The following CNPY4 variants were observed in gnomAD, a reference collection of about 807,000 sequenced individuals.
CNPY4 encodes the protein protein canopy homolog 4.
A neutral mutation model predicts 30.1 loss-of-function variants in CNPY4; 33 were observed. That is an observed-to-expected ratio of 1.10 (90% CI 0.83 to 1.46). The LOEUF is 1.46. Ranked by LOEUF, CNPY4 falls within the 40% of genes most tolerant of loss-of-function variation. The pLI is 0.00. For missense variants in CNPY4, 324 were observed against 302.6 expected (o/e 1.07, Z -0.52); for synonymous variants, 109 against 110.1 (o/e 0.99, Z 0.06).
rs1315398459 is a variant in CNPY4 at position 100,122,167 on chromosome 7, C to T, written c.119-92C>T. On this transcript the variant is annotated intron_variant, in intron 1 of 5. Coordinates refer to ENST00000262932, the MANE Select transcript of CNPY4 (RefSeq NM_152755.2). ...AGCCAGTCTGGCTCCATAGTCTGCA[C>T]TTGTATGCTCTGCTGCCTCAGGTCA... 8 of 1,525,916 alleles carry T rather than the reference C, an allele frequency of 5.2e-6. No homozygotes were observed. In the East Asian group the frequency reaches 1.6e-4, roughly 31 times the overall value. 94.5% of individuals were successfully genotyped at this position (1,525,916 alleles called of 1,614,324 possible).
rs144284209 is a variant in CNPY4, at chr7:100,122,381, G to C, written c.241G>C (p.Val81Leu). 331 of 1,614,006 alleles carry C rather than the reference G, an allele frequency of 2.1e-4. No homozygotes were observed. The highest frequency in any genetic ancestry group is 2.2e-4 in the Non-Finnish European group (262 of 1,180,036). The part of the protein sequence containing the change: ...GKRKRHVPYS[V>L]SETRLEEALE... ...GAGGAAGAGACACGTGCCTTACAGCGTTTCGTGAGTCCTTCGTGCTCCTCC... is the reference window on the plus strand; with the variant it reads ...GAGGAAGAGACACGTGCCTTACAGCCTTTCGTGAGTCCTTCGTGCTCCTCC... Residue 81 changes from valine to leucine, a missense_variant, in exon 2 of 6, where the codon GTT becomes CTT. Val to Leu is a conservative substitution (Grantham distance 32, BLOSUM62 1). Coordinates refer to ENST00000262932, the MANE Select transcript of CNPY4 (RefSeq NM_152755.2).
Position 100,122,544 on chromosome 7 carries a change from C to T in CNPY4, c.309C>T (p.His103=), listed in dbSNP as rs142050123. 164 of 1,613,246 alleles carry T rather than the reference C, an allele frequency of 1.0e-4. 1 individual carries two copies. The East Asian group carries it at 3.5e-3, about 34-fold the overall frequency. The change falls in exon 3 of 6, where the codon CAC becomes CAT. Residue 103 remains histidine (H), a synonymous_variant. Transcript: ENST00000262932. ...AGCGGATCCTGGACTATAGTGTTCA[C>T]GCTGAGCGCAAGGGCTCACTGAGAT... The part of the protein sequence containing the change: ...LCERILDYSV[H]AERKGSLRYA...
Position 100,122,242 on chromosome 7 carries a change from T to G in CNPY4, c.119-17T>G. The G allele has an allele frequency of 6.2e-7, 1 of 1,613,638 alleles. No individual in the cohort carries two copies. The highest frequency in any genetic ancestry group is 8.5e-7 in the Non-Finnish European group (1 of 1,179,880). On this transcript the variant is annotated splice_polypyrimidine_tract_variant and intron_variant, in intron 1 of 5. Transcript: ENST00000262932. ...TTTGTCTTTTACCTCCCCCCGGACG[T>G]TTCTCCTCCCCACCAGTGTGTAAGC...
Position 100,124,497 on chromosome 7 carries a change from C to T in CNPY4, c.466-17C>T, listed in dbSNP as rs1478076463. The T allele has an allele frequency of 1.3e-6, 2 of 1,574,244 alleles. No individual in the cohort carries two copies. The highest frequency in any genetic ancestry group is 1.1e-5 in the South Asian group (1 of 90,152). On this transcript the variant is annotated splice_polypyrimidine_tract_variant and intron_variant, in intron 4 of 5. Coordinates refer to ENST00000262932, the MANE Select transcript of CNPY4 (RefSeq NM_152755.2). ...CCCTCCAGAGCAGATACTCTTCTGGCCCTTCTACTTGACCAGTGTGAGACC... is the reference window on the plus strand; with the variant it reads ...CCCTCCAGAGCAGATACTCTTCTGGTCCTTCTACTTGACCAGTGTGAGACC...
At chr7:100,124,654 T>C (rs377566765) in intron 5 of CNPY4, 23 bp downstream of exon 5, 150 of 1,611,624 alleles carry the variant, frequency 9.3e-5, no homozygotes, top group Non-Finnish European at 1.2e-4. Context: ...GTTGAACTCC[T>C]CTCCTGCCAA....
chr7:100,121,321 T>C (rs1466786500), intron 1 of CNPY4: 1 of 150,796 alleles, frequency 6.6e-6, no homozygotes, highest in Non-Finnish European at 1.5e-5. Flanking sequence ...GTATTTTTAG[T>C]AGAGACAAGG....
Position 100,122,900 on chromosome 7 carries a change from G to C in CNPY4, c.459G>C (p.Lys153Asn). 3 of 1,612,318 alleles carry C rather than the reference G, an allele frequency of 1.9e-6. No homozygotes were observed. Among genetic ancestry groups the C allele is most frequent in the Non-Finnish European group, 2.5e-6 (3 of 1,179,286 alleles). ...CCAGCGTGGAGGTCACATACCTCAA[G>C]AAGCAGGTAGGATAAGACACTGCAC... ...DEPSVEVTYL[K>N]KQCETMLEEF... is the part of the protein sequence containing the mutation. The change falls in exon 4 of 6, where the codon AAG becomes AAC. Residue 153 changes from lysine to asparagine, a missense_variant. Physicochemically the swap from Lys to Asn is moderately conservative, Grantham distance 94. Coordinates refer to ENST00000262932, the MANE Select transcript of CNPY4 (RefSeq NM_152755.2).
chr7:100,119,852 C>A lies in CNPY4; in HGVS notation c.108C>A (p.Ser36Arg). ...ACGATGACACAGAACGCTTGCCCAG[C>A]AAATGCGAAGGTATTTGAAGGGGGT... The part of the protein sequence containing the change: ...EEDDDTERLP[S>R]KCEVCKLLST... The change falls in exon 1 of 6, where the codon AGC becomes AGA. Residue 36 changes from serine (S) to arginine (R), a missense_variant. Coordinates refer to ENST00000262932, the MANE Select transcript of CNPY4 (RefSeq NM_152755.2). 6.2e-7 allele frequency: 1 copy of A among 1,611,814 alleles called. No homozygotes were observed. The highest frequency in any genetic ancestry group is 8.5e-7 in the Non-Finnish European group (1 of 1,179,260).
In CNPY4 at chr7:100,122,480, G is replaced by A; in HGVS notation, c.246-1G>A. 6.2e-7 allele frequency: 1 copy of A among 1,614,042 alleles called. No individual in the cohort carries two copies. Among genetic ancestry groups the A allele is most frequent in the East Asian group, 2.2e-5 (1 of 44,870 alleles). ...AATCTTTGTTTCCTCTCTTTCCACA[G>A]AGAGACAAGGCTGGAAGAGGCCTTA... is the stretch of plus-strand genomic sequence containing the variant. On this transcript the variant is annotated splice_acceptor_variant, in intron 2 of 5. Transcript: ENST00000262932. LOFTEE classifies it high-confidence loss of function.
At chr7:100,121,176 G>A (rs1283735246) in intron 1 of CNPY4, 2 of 116,982 alleles carry the variant, frequency 1.7e-5, no homozygotes, top group African/African-American at 3.4e-5. Context: ...GTCTCATGCC[G>A]TTGCCCAGGC....
At chr7:100,123,001 A>AT in intron 4 of CNPY4, 95 bp downstream of exon 4, 12 of 1,369,016 alleles carry the variant, frequency 8.8e-6, no homozygotes, top group Non-Finnish European at 1.2e-5. Flanking sequence ...GTCTACCCCT[A>AT]AGCATGGGGA....
At position 100,122,438 on chromosome 7, in the gene CNPY4, T is replaced by A. The variant is rs1394041364; in HGVS notation, c.246-43T>A. On this transcript the variant is annotated intron_variant, in intron 2 of 5. Transcript: ENST00000262932. The stretch of plus-strand genomic sequence containing the variant: ...CAACCCCCAACGGAGCCCTGGGAGT[T>A]CCTACAGCATCCAGGGAATCTTTGT... 2.5e-6 allele frequency: 4 copies of A among 1,613,916 alleles called. No individual in the cohort carries two copies. The Admixed American group carries it at 6.7e-5, about 27-fold the overall frequency.
chr7:100,124,422 C>T (rs1798159773), intron 4 of CNPY4, 92 bp from the exon 5 acceptor site: 1 of 994,694 alleles, frequency 1.0e-6, no homozygotes, highest in East Asian at 2.4e-5. Context: ...ACCTGCCTCT[C>T]CAAAATCAGT....
chr7:100,119,706 T>G lies in CNPY4; in HGVS notation c.-39T>G, dbSNP rs1797966369. The G allele has an allele frequency of 1.9e-6, 3 of 1,613,912 alleles. No homozygotes were observed. Among genetic ancestry groups the G allele is most frequent in the Non-Finnish European group, 2.5e-6 (3 of 1,179,924 alleles). On this transcript the variant is annotated 5_prime_UTR_variant, in exon 1 of 6. Coordinates refer to ENST00000262932, the MANE Select transcript of CNPY4 (RefSeq NM_152755.2). ...GGGACCCACACTACCTTCCCGAAGT[T>G]GAAGGCAAGCGGTGATTGTTTGTAG...
At chr7:100,123,261 G>C (rs1798120079) in intron 4 of CNPY4, among the ~76,000 whole-genome samples, 1 of 151,858 alleles carries the variant, frequency 6.6e-6, no homozygotes, top group Non-Finnish European at 1.5e-5. Context: ...AGAATTGCTT[G>C]AATCCAGGAG....
intron 1 of CNPY4, 83 bp from the exon 2 acceptor site, chr7:100,122,176 T>C (rs1434616387): frequency 1.4e-5 from 22 of 1,560,758 alleles, no homozygotes; most frequent in Non-Finnish European, 1.9e-5. Context: ...ACTTGTATGC[T>C]CTGCTGCCTC....
intron 1 of CNPY4, among the ~76,000 whole-genome samples, chr7:100,121,005 G>A (rs1033529124): frequency 1.4e-5 from 2 of 147,296 alleles, no homozygotes; most frequent in African/African-American, 5.1e-5. Flanking sequence ...TGCTCACTAT[G>A]TGCCAGCCTT....
intron 1 of CNPY4, among the ~76,000 whole-genome samples, chr7:100,120,962 A>G (rs1798021310): frequency 1.3e-5 from 2 of 151,782 alleles, no homozygotes; most frequent in Admixed American, 1.3e-4. Context: ...AGCTCAATAA[A>G]TAACTGCAGG....
chr7:100,123,026 G>A (rs907618037), intron 4 of CNPY4, 120 bp downstream of exon 4: 14 of 1,118,610 alleles, frequency 1.3e-5, no homozygotes, highest in Non-Finnish European at 1.7e-5. Flanking sequence ...GCCAGAGTGA[G>A]GACTGTGCCA....
Sources: allele counts gnomAD v4.1 joint callset (sites outside exome capture counted in the v4.1 genomes callset), GRCh38; gene constraint gnomAD v4.1.1; transcripts MANE v1.5; gene names NCBI Gene and HGNC (gene_info 2026-07-23, HGNC 2026-07-21).